The following NUDCD1 variants were observed in gnomAD, a reference collection of about 807,000 sequenced individuals.
The protein encoded by NUDCD1 is NudC domain containing 1, also known as nudC domain-containing protein 1.
NUDCD1 carries 60 observed loss-of-function variants against 67.8 expected under a neutral mutation model. That is an observed-to-expected ratio of 0.88 (90% CI 0.72 to 1.10). NUDCD1 has a LOEUF of 1.10. Ranked by LOEUF, NUDCD1 falls within the 50% of genes least tolerant of loss-of-function variation. The pLI is 0.00. For missense variants in NUDCD1, 643 were observed against 695.0 expected (o/e 0.93, Z 0.84); for synonymous variants, 244 against 230.8 (o/e 1.06, Z -0.52).
intron 8 of NUDCD1, among the ~76,000 whole-genome samples, chr8:109,253,369 A>G (rs1441684563): frequency 6.6e-6 from 1 of 152,264 alleles, no homozygotes; most frequent in Non-Finnish European, 1.5e-5. Flanking sequence ...CAATGTGATC[A>G]TAATAGCACA....
At chr8:109,311,922 C>T (rs1815263597) in intron 2 of NUDCD1, among the ~76,000 whole-genome samples, 1 of 151,594 alleles carries the variant, frequency 6.6e-6, no homozygotes, top group Non-Finnish European at 1.5e-5. Flanking sequence ...TCTGTTGTTC[C>T]CCAATAACCT....
chr8:109,317,905 T>C (rs1425989326), intron 2 of NUDCD1, among the ~76,000 whole-genome samples: 2 of 152,218 alleles, frequency 1.3e-5, no homozygotes, highest in Admixed American at 1.3e-4. Context: ...TGTACCCTTT[T>C]TGTCAGCTAC....
At chr8:109,326,345 AG>A (rs772069715) in intron 1 of NUDCD1, among the ~76,000 whole-genome samples, 6 of 152,338 alleles carry the variant, frequency 3.9e-5, no homozygotes, top group Middle Eastern at 6.8e-3. Flanking sequence ...AGAAAGGAAA[AG>A]TTATCACATG....
intron 2 of NUDCD1, among the ~76,000 whole-genome samples, chr8:109,307,770 G>C (rs557764604): frequency 6.6e-6 from 1 of 152,174 alleles, no homozygotes; most frequent in East Asian, 1.9e-4. Context: ...AAGGTAAAAG[G>C]GTAGAAAGAG....
At chr8:109,266,236 T>C (rs191307927) in intron 8 of NUDCD1, among the ~76,000 whole-genome samples, 1 of 151,834 alleles carries the variant, frequency 6.6e-6, no homozygotes, top group Non-Finnish European at 1.5e-5. Context: ...GTAATAATTT[T>C]TTTTTTTGAG....
intron 5 of NUDCD1, among the ~76,000 whole-genome samples, chr8:109,283,032 A>C (rs370678190): frequency 1.9e-4 from 29 of 152,182 alleles, no homozygotes; most frequent in East Asian, 1.4e-3. Context: ...CAAAATTGAA[A>C]ATCAATACAA....
intron 8 of NUDCD1, among the ~76,000 whole-genome samples, chr8:109,266,956 G>C (rs1814017675): frequency 6.6e-6 from 1 of 152,022 alleles, no homozygotes; most frequent in Non-Finnish European, 1.5e-5. Flanking sequence ...TTTCATTACA[G>C]TATTATTTTC....
intron 8 of NUDCD1, among the ~76,000 whole-genome samples, chr8:109,248,882 C>T (rs1813560712): frequency 6.6e-6 from 1 of 151,864 alleles, no homozygotes; most frequent in Non-Finnish European, 1.5e-5. Flanking sequence ...TTCCCCATTC[C>T]TTTATTCATG....
chr8:109,328,883 A>G (rs1055288718), intron 1 of NUDCD1, among the ~76,000 whole-genome samples: 1 of 152,234 alleles, frequency 6.6e-6, no homozygotes, highest in Non-Finnish European at 1.5e-5. Context: ...GCAAAGAGGA[A>G]AGAAAACAAA....
chr8:109,243,118 G>C lies in NUDCD1; in HGVS notation c.1643C>G (p.Ala548Gly). 1 of 1,613,790 alleles carries C rather than the reference G, an allele frequency of 6.2e-7. No individual in the cohort carries two copies. The highest frequency in any genetic ancestry group is 8.5e-7 in the Non-Finnish European group (1 of 1,179,760). ...AATAGGATCATTGGTTTCTAGGCTT[G>C]CTACTTGCTGCTTAGCAACCTGTCC... ...QVGQVAKQQV[A>G]SLETNDPILG... The change falls in exon 10 of 10, where the codon GCA (alanine) becomes GGA (glycine). Residue 548 changes from alanine to glycine, a missense_variant. Coordinates refer to ENST00000239690, the MANE Select transcript of NUDCD1 (RefSeq NM_032869.4).
chr8:109,243,099 A>G lies in NUDCD1; in HGVS notation c.1662T>C (p.Asp554=). 1 of 1,613,766 alleles carries G rather than the reference A, an allele frequency of 6.2e-7. No homozygotes were observed. The highest frequency in any genetic ancestry group is 8.5e-7 in the Non-Finnish European group (1 of 1,179,716). Residue 554 remains aspartate (D), a synonymous_variant, in exon 10 of 10, where the codon GAT becomes GAC. Transcript: ENST00000239690. The part of the protein sequence containing the change: ...KQQVASLETN[D]PILGFQATNE... Reference sequence around the variant, plus strand: ...TTGTTGCCTGAAATCCTAAAATAGGATCATTGGTTTCTAGGCTTGCTACTT... The same window carrying G: ...TTGTTGCCTGAAATCCTAAAATAGGGTCATTGGTTTCTAGGCTTGCTACTT...
chr8:109,291,283 T>C (rs140393052), intron 4 of NUDCD1, among the ~76,000 whole-genome samples: 2,662 of 152,234 alleles, frequency 0.017, 37 homozygotes, highest in Non-Finnish European at 0.026. Flanking sequence ...GCTGGAACTA[T>C]AGGTGCACAA....
chr8:109,318,614 T>C (rs1474775899), intron 2 of NUDCD1, among the ~76,000 whole-genome samples: 3 of 126,022 alleles, frequency 2.4e-5, no homozygotes, highest in Admixed American at 8.6e-5. Context: ...AGAGGCCAGA[T>C]TGCATTCCTC....
intron 6 of NUDCD1, among the ~76,000 whole-genome samples, chr8:109,279,239 A>G (rs780524998): frequency 1.3e-5 from 2 of 152,230 alleles, no homozygotes; most frequent in Non-Finnish European, 2.9e-5. Context: ...CACTCGTACC[A>G]GATATGAATG....
chr8:109,324,158 A>C (rs1336233863), intron 1 of NUDCD1, among the ~76,000 whole-genome samples: 1 of 152,082 alleles, frequency 6.6e-6, no homozygotes, highest in East Asian at 1.9e-4. Context: ...AAATATTTGC[A>C]AACTATTCAA....
At position 109,242,240 on chromosome 8, in the gene NUDCD1, T is replaced by G; in HGVS notation, c.*769A>C. On this transcript the variant is annotated 3_prime_UTR_variant, in exon 10 of 10. Transcript: ENST00000239690. ...TCGATAAGCTCTTGCATATTGGAGCTTGCTCTCTTAAGATGTTTTCTCTAC... is the reference window on the plus strand; with the variant it reads ...TCGATAAGCTCTTGCATATTGGAGCGTGCTCTCTTAAGATGTTTTCTCTAC... 2.5e-6 allele frequency: 1 copy of G among 396,790 alleles called. No individual in the cohort carries two copies. The highest frequency in any genetic ancestry group is 4.4e-6 in the Non-Finnish European group (1 of 224,742). The allele number at this position is 396,790 out of a possible 1,614,324, so 24.6% of individuals were successfully genotyped here. A position where few individuals can be genotyped will look rare whatever the true frequency, so the allele number is the denominator to read the frequency against.
chr8:109,287,565 A>G (rs760923986), intron 5 of NUDCD1, among the ~76,000 whole-genome samples: 9 of 152,124 alleles, frequency 5.9e-5, no homozygotes, highest in Non-Finnish European at 1.3e-4. Flanking sequence ...ACATGACCTC[A>G]CTTATAAGTG....
chr8:109,266,883 T>C (rs1347900207), intron 8 of NUDCD1, among the ~76,000 whole-genome samples: 3 of 152,174 alleles, frequency 2.0e-5, no homozygotes, highest in Non-Finnish European at 2.9e-5. Flanking sequence ...AACCCTAATG[T>C]CCATGTCTTT....
At chr8:109,266,631 G>A (rs1814008381) in intron 8 of NUDCD1, among the ~76,000 whole-genome samples, 1 of 152,012 alleles carries the variant, frequency 6.6e-6, no homozygotes, top group African/African-American at 2.4e-5. Context: ...ATGCAGACTA[G>A]CCACATTTCA....
Sources: gnomAD v4.1 joint callset for allele counts (sites outside exome capture counted in the v4.1 genomes callset) on GRCh38, gnomAD v4.1.1 for gene constraint, MANE v1.5 for transcripts, NCBI Gene and HGNC (gene_info 2026-07-23, HGNC 2026-07-21) for gene names.